TMEM131: variants seen among roughly 807,000 people sequenced by gnomAD.
TMEM131 encodes the protein transmembrane protein 131, also known as 2610524E03Rik.
Under a neutral mutation model 211.6 loss-of-function variants are expected in TMEM131, and 66 were observed. That is an observed-to-expected ratio of 0.31 (90% confidence interval 0.26 to 0.38). The LOEUF is 0.38. Ranked by LOEUF, TMEM131 falls within the 10% of genes least tolerant of loss-of-function variation. The pLI, the probability that TMEM131 is intolerant of heterozygous loss-of-function variation, is 1.00. For synonymous variants in TMEM131, 844 were observed against 841.3 expected, an observed-to-expected ratio of 1.00 and a Z score of -0.06; for missense variants, 2,036 against 2,299.3, an observed-to-expected ratio of 0.89 and a Z score of 2.34.
intron 1 of TMEM131, among the ~76,000 whole-genome samples, chr2:97,959,515 C>T (rs1678721204): frequency 6.6e-6 from 1 of 151,784 alleles, no homozygotes; most frequent in African/African-American, 2.4e-5. Context: ...TTCTCCCTTT[C>T]TCTCTCTCTC....
rs575326967 is a variant in TMEM131 at position 97,883,439 on chromosome 2, C to G, written c.359+4613G>C. 5.3e-5 allele frequency among the ~76,000 whole-genome samples: 8 copies of G among 152,332 alleles called. No individual in the cohort carries two copies. In the East Asian group the frequency reaches 1.3e-3, roughly 26 times the overall value. ...TCCACAAATCTTCCACAATTTCTCT[C>G]AGCTCATGAGATTTCAGGTTCTCTA... On this transcript the variant is annotated intron_variant, in intron 4 of 40. Transcript: ENST00000186436.
chr2:97,950,215 C>T (rs1300809058), intron 1 of TMEM131, among the ~76,000 whole-genome samples: 1 of 152,102 alleles, frequency 6.6e-6, no homozygotes, highest in African/African-American at 2.4e-5. Flanking sequence ...AAAGTATTTC[C>T]CCATGAAAAG....
In TMEM131 at chr2:97,762,503, G is replaced by T. The variant is rs541617510; in HGVS notation, c.4724-303C>A. On this transcript the variant is annotated intron_variant, in intron 35 of 40. Transcript: ENST00000186436. ...GGAGGGTCTTCCACATCCTCCAGGG[G>T]TGGACAGCTGAGGCCGCTGCCTGGG... The T allele has an allele frequency of 1.1e-4, 29 of 266,426 alleles. No homozygotes were observed. The South Asian group carries it at 1.2e-3, about 11-fold the overall frequency. 16.5% of individuals were successfully genotyped at this position (266,426 alleles called of 1,614,324 possible).
At chr2:97,917,161 T>G (rs915284505) in intron 2 of TMEM131, among the ~76,000 whole-genome samples, 1 of 152,174 alleles carries the variant, frequency 6.6e-6, no homozygotes, top group East Asian at 1.9e-4. Context: ...TCTGCCAGCT[T>G]TTGCAAATAA....
intron 40 of TMEM131, 63 bp from the exon 41 acceptor site, chr2:97,757,446 G>A (rs1678556988): frequency 3.3e-6 from 5 of 1,507,394 alleles, no homozygotes; most frequent in South Asian, 1.3e-5. Flanking sequence ...GTGGGTAAGG[G>A]GGTAAGGCTA....
At chr2:97,812,902 G>T (rs13012943) in intron 15 of TMEM131, among the ~76,000 whole-genome samples, 153 bp from the exon 16 acceptor site, 1 of 152,004 alleles carries the variant, frequency 6.6e-6, no homozygotes, top group Non-Finnish European at 1.5e-5. Context: ...TACTCGGAAG[G>T]CTGAGCTCAG....
chr2:97,907,380 T>C (rs1474827650), intron 3 of TMEM131: 5 of 152,178 alleles, frequency 3.3e-5, no homozygotes, highest in Admixed American at 3.3e-4. Flanking sequence ...TTTTCATTAT[T>C]TATGAGGTAA....
intron 1 of TMEM131, among the ~76,000 whole-genome samples, chr2:97,934,908 T>C (rs1677378269): frequency 6.6e-6 from 1 of 151,940 alleles, no homozygotes; most frequent in Non-Finnish European, 1.5e-5. Context: ...TGTAAAACTA[T>C]AAAACTTTTT....
chr2:97,808,541 T>G (rs1681411571), intron 19 of TMEM131, among the ~76,000 whole-genome samples: 1 of 152,224 alleles, frequency 6.6e-6, no homozygotes, highest in Non-Finnish European at 1.5e-5. Context: ...TGTTTCAGTT[T>G]GTATGACCTC....
chr2:97,776,387 A>C (rs1241861967), intron 31 of TMEM131, among the ~76,000 whole-genome samples: 1 of 152,186 alleles, frequency 6.6e-6, no homozygotes, highest in Non-Finnish European at 1.5e-5. Flanking sequence ...CTAGCTTGGA[A>C]AACAAAGCAA....
intron 1 of TMEM131, among the ~76,000 whole-genome samples, chr2:97,982,476 T>C (rs1679842932): frequency 6.6e-6 from 1 of 152,232 alleles, no homozygotes; most frequent in African/African-American, 2.4e-5. Flanking sequence ...TTCTGCTTTC[T>C]TTATAGGGCT....
chr2:97,801,406 G>T (rs1248288894), intron 25 of TMEM131, among the ~76,000 whole-genome samples: 2 of 152,186 alleles, frequency 1.3e-5, no homozygotes, highest in Non-Finnish European at 2.9e-5. Flanking sequence ...ACCAGTTTAT[G>T]TATATGTTTA....
intron 3 of TMEM131, among the ~76,000 whole-genome samples, chr2:97,903,744 C>A (rs1016689208): frequency 6.6e-6 from 1 of 151,994 alleles, no homozygotes; most frequent in Non-Finnish European, 1.5e-5. Flanking sequence ...AGTGCAATGG[C>A]GCAATCTCGG....
intron 12 of TMEM131, 140 bp downstream of exon 12, chr2:97,818,473 C>CG (rs869139049): frequency 0.01 from 582 of 56,012 alleles, 17 homozygotes; most frequent in Middle Eastern, 0.058. Context: ...CGGGGGGGGG[C>CG]GGGGGGGGAT....
chr2:97,905,322 C>T (rs181821283), intron 3 of TMEM131, among the ~76,000 whole-genome samples: 20 of 152,164 alleles, frequency 1.3e-4, no homozygotes, highest in African/African-American at 3.9e-4. Flanking sequence ...GCAGTCATTC[C>T]TATCTTTTGA....
intron 19 of TMEM131, among the ~76,000 whole-genome samples, chr2:97,809,418 C>T (rs921279966): frequency 5.3e-5 from 8 of 152,188 alleles, no homozygotes; most frequent in African/African-American, 1.9e-4. Context: ...GTGTATTTCC[C>T]TCACAGCACT....
intron 1 of TMEM131, among the ~76,000 whole-genome samples, chr2:97,972,490 GGGCAGGCAGGCGGGCA>G (rs1553622412): frequency 6.7e-6 from 1 of 149,784 alleles, no homozygotes; most frequent in Admixed American, 6.6e-5. Flanking sequence ...GAGGGAAGGC[GGGCAGGCAGGCGGGCA>G]GGCAGGCAGG....
At chr2:97,886,272 T>C (rs1212705876) in intron 4 of TMEM131, among the ~76,000 whole-genome samples, 1 of 152,210 alleles carries the variant, frequency 6.6e-6, no homozygotes, top group Admixed American at 6.5e-5. Context: ...TTTCTTATGA[T>C]TGGGGTCTGT....
chr2:97,870,209 T>TCG (rs750827431), intron 4 of TMEM131, among the ~76,000 whole-genome samples: 1 of 152,192 alleles, frequency 6.6e-6, no homozygotes, highest in Non-Finnish European at 1.5e-5. Flanking sequence ...TTCAAAATCC[T>TCG]CTATAGCAAC....
Sources: allele counts gnomAD v4.1 joint callset (sites outside exome capture counted in the v4.1 genomes callset), GRCh38; gene constraint gnomAD v4.1.1; transcripts MANE v1.5; gene names NCBI Gene and HGNC (gene_info 2026-07-23, HGNC 2026-07-21).